Variants in S100Z observed in about 807,000 individuals in gnomAD.
S100Z encodes the protein protein S100-Z.
Under a neutral mutation model 8.5 loss-of-function variants are expected in S100Z, and 11 were observed. The observed-to-expected ratio is 1.30, with a 90% confidence interval of 0.82 to 2.15. The LOEUF is 2.15. S100Z is among the 30% of genes most tolerant of loss of function. The pLI is 0.00. For missense variants in S100Z, 126 were observed against 117.9 expected, an observed-to-expected ratio of 1.07 and a Z score of -0.32; for synonymous variants, 34 against 43.8, an observed-to-expected ratio of 0.78 and a Z score of 0.89.
chr5:76,941,803 C>CG, the S100Z span, among the ~76,000 whole-genome samples: 1 of 152,114 alleles, frequency 6.6e-6, no homozygotes, highest in African/African-American at 2.4e-5. Flanking sequence ...TGCTCCCCCC[C>CG]CTTGATGGCA....
At chr5:76,870,989 C>T (rs778881158) in intron 2 of S100Z, among the ~76,000 whole-genome samples, 1 of 152,092 alleles carries the variant, frequency 6.6e-6, no homozygotes, top group Non-Finnish European at 1.5e-5. Flanking sequence ...ATCCTAAGCT[C>T]CTCAACTGAC....
At position 76,918,717 on chromosome 5, in the gene S100Z, T is replaced by G. The variant is rs561411243; in HGVS notation, c.*3-2000T>G. 5.3e-5 allele frequency among the ~76,000 whole-genome samples: 8 copies of G among 152,328 alleles called. No individual in the cohort carries two copies. In the South Asian group the frequency reaches 1.7e-3, roughly 32 times the overall value. ...TCATTATTACCCAGTGTCTGTAGTT[T>G]ACACTAGGTTTCATTCTTAGTGTTG... is the stretch of plus-strand genomic sequence containing the variant. On this transcript the variant is annotated intron_variant, in intron 4 of 4. Coordinates refer to ENST00000317593, the MANE Select transcript of S100Z (RefSeq NM_130772.4).
intron 4 of S100Z, among the ~76,000 whole-genome samples, chr5:76,890,893 T>C (rs1743833753): frequency 6.6e-6 from 1 of 152,152 alleles, no homozygotes; most frequent in Non-Finnish European, 1.5e-5. Context: ...GACAGAGTCT[T>C]GCTCTGTTAC....
chr5:76,851,644 G>A (rs1157320520), intron 1 of S100Z, among the ~76,000 whole-genome samples: 3 of 152,126 alleles, frequency 2.0e-5, no homozygotes, highest in South Asian at 2.1e-4. Flanking sequence ...AAGGGAGCAG[G>A]GGATTGGAAA....
intron 4 of S100Z, among the ~76,000 whole-genome samples, chr5:76,916,220 T>A (rs1272211359): frequency 6.7e-6 from 1 of 148,982 alleles, no homozygotes; most frequent in East Asian, 2.0e-4. Context: ...AATAAAAGTA[T>A]AAATCTACCA....
At chr5:76,951,083 G>A in the S100Z span, among the ~76,000 whole-genome samples, 1 of 151,882 alleles carries the variant, frequency 6.6e-6, no homozygotes, top group African/African-American at 2.4e-5. Flanking sequence ...TACCAAACTG[G>A]TGAAAACTAC....
chr5:76,893,147 A>T (rs902522905), intron 4 of S100Z, among the ~76,000 whole-genome samples: 8 of 152,156 alleles, frequency 5.3e-5, no homozygotes, highest in African/African-American at 1.4e-4. Context: ...TTCACAATGG[A>T]AAGTGTCTAC....
At chr5:76,949,722 T>C in the S100Z span, among the ~76,000 whole-genome samples, 1 of 152,256 alleles carries the variant, frequency 6.6e-6, no homozygotes, top group African/African-American at 2.4e-5. Flanking sequence ...GGGCAAATAC[T>C]GTACGATTAC....
At position 76,898,933 on chromosome 5, in the gene S100Z, CT is replaced by C. The variant is rs56287065; in HGVS notation, c.*2+21118del. ...CCATTGGGTCCTGGGCTTTTCTTTTCTTTTTTTTTTTTTTTTTTTGAGACAG... is the reference window on the plus strand; with the variant it reads ...CCATTGGGTCCTGGGCTTTTCTTTTCTTTTTTTTTTTTTTTTTTGAGACAG... On this transcript the variant is annotated intron_variant, in intron 4 of 4. Coordinates refer to ENST00000317593, the MANE Select transcript of S100Z (RefSeq NM_130772.4). Among the ~76,000 whole-genome samples, 70 of 109,976 alleles carry C rather than the reference CT, an allele frequency of 6.4e-4. 1 individual carries two copies. The South Asian group carries it at 0.013, about 21-fold the overall frequency. The allele number at this position is 109,976 out of a possible 152,430, so 72.1% of individuals were successfully genotyped here.
chr5:76,891,861 A>G (rs560066383), intron 4 of S100Z, among the ~76,000 whole-genome samples: 1 of 152,256 alleles, frequency 6.6e-6, no homozygotes. Context: ...TCACCAGACC[A>G]TCTCAGAGTA....
intron 4 of S100Z, among the ~76,000 whole-genome samples, chr5:76,905,236 A>G (rs1047744555): frequency 3.3e-5 from 5 of 151,960 alleles, no homozygotes; most frequent in Non-Finnish European, 5.9e-5. Context: ...GGGTCTTACT[A>G]TGTTACCCAG....
At chr5:76,853,597 A>G (rs1750793084) in intron 1 of S100Z, among the ~76,000 whole-genome samples, 1 of 152,100 alleles carries the variant, frequency 6.6e-6, no homozygotes, top group Non-Finnish European at 1.5e-5. Flanking sequence ...GGAGTTCAAG[A>G]TCAGCCTGGC....
At chr5:76,884,068 A>T (rs528518402) in intron 4 of S100Z, among the ~76,000 whole-genome samples, 1 of 152,158 alleles carries the variant, frequency 6.6e-6, no homozygotes. Flanking sequence ...GCCGAATTTA[A>T]TTTTTGGAGC....
chr5:76,925,860 A>G (rs557962773), downstream of S100Z, among the ~76,000 whole-genome samples: 36 of 152,216 alleles, frequency 2.4e-4, no homozygotes, highest in East Asian at 6.8e-3. Flanking sequence ...CCACCTACTC[A>G]GGAGGCTGAG....
intron 4 of S100Z, among the ~76,000 whole-genome samples, chr5:76,889,742 T>C (rs1472601539): frequency 6.6e-6 from 1 of 152,272 alleles, no homozygotes; most frequent in African/African-American, 2.4e-5. Flanking sequence ...CTTTTCCTCA[T>C]GTTAGGAACA....
At position 76,875,435 on chromosome 5, in the gene S100Z, A is replaced by G. The variant is rs753207287; in HGVS notation, c.76A>G (p.Arg26Gly). The change falls in exon 3 of 5, where the codon AGA (arginine) becomes GGA (glycine). Residue 26 changes from arginine (R) to glycine (G), a missense_variant. By Grantham distance (125) the Arg-to-Gly change is moderately radical (BLOSUM62 -2). Transcript: ENST00000317593. Reference protein sequence around the residue: ...FHRYSGKERKRFKLSKGELKL... With the variant: ...FHRYSGKERKGFKLSKGELKL... ...CCGCTATTCTGGCAAGGAAAGGAAGAGATTCAAGCTCAGCAAGGGGGAACT... is the reference window on the plus strand; with the variant it reads ...CCGCTATTCTGGCAAGGAAAGGAAGGGATTCAAGCTCAGCAAGGGGGAACT... 8 of 1,613,130 alleles carry G rather than the reference A, an allele frequency of 5.0e-6. No individual in the cohort carries two copies. Among genetic ancestry groups the G allele is most frequent in the African/African-American group, 1.3e-5 (1 of 74,852 alleles).
At chr5:76,872,617 G>A (rs998990601) in intron 2 of S100Z, among the ~76,000 whole-genome samples, 1 of 151,800 alleles carries the variant, frequency 6.6e-6, no homozygotes, top group Non-Finnish European at 1.5e-5. Flanking sequence ...CCATTACTGG[G>A]CCACTGCATT....
the S100Z span, among the ~76,000 whole-genome samples, chr5:76,943,176 TCA>T: frequency 2.6e-5 from 4 of 152,138 alleles, no homozygotes; most frequent in African/African-American, 9.7e-5. Context: ...GCTTCTTTAC[TCA>T]CACATCTGGT....
intron 1 of S100Z, among the ~76,000 whole-genome samples, chr5:76,868,744 C>T (rs1325680156): frequency 6.6e-6 from 1 of 151,846 alleles, no homozygotes; most frequent in Non-Finnish European, 1.5e-5. Flanking sequence ...CTGCATCAGC[C>T]TCCCGAGTAG....
Sources: gnomAD v4.1 joint callset for allele counts (sites outside exome capture counted in the v4.1 genomes callset) on GRCh38, gnomAD v4.1.1 for gene constraint, MANE v1.5 for transcripts, NCBI Gene and HGNC (gene_info 2026-07-23, HGNC 2026-07-21) for gene names.